The following GPAM variants were observed in gnomAD, a reference collection of about 807,000 sequenced individuals.
The protein encoded by GPAM is glycerol-3-phosphate acyltransferase, mitochondrial.
Under a neutral mutation model 105.0 loss-of-function variants are expected in GPAM, and 56 were observed. The observed-to-expected ratio is 0.53, with a 90% CI of 0.43 to 0.67. The LOEUF is 0.67. Among genes scored for constraint, GPAM ranks in the 30% least tolerant of loss-of-function variants. GPAM has a pLI of 0.00. For missense variants in GPAM, 855 were observed against 989.8 expected (o/e 0.86, Z 1.83); for synonymous variants, 368 against 354.4 (o/e 1.04, Z -0.43).
rs555268982 is a variant in GPAM, at chr10:112,151,243, C to G, written c.*2307G>C. 1.0e-6 allele frequency: 1 copy of G among 985,584 alleles called. No homozygotes were observed. Among genetic ancestry groups the G allele is most frequent in the South Asian group, 4.7e-5 (1 of 21,284 alleles). The allele number at this position is 985,584 out of a possible 1,614,324, so 61.1% of individuals were successfully genotyped here. On this transcript the variant is annotated 3_prime_UTR_variant, in exon 22 of 22. Coordinates refer to ENST00000348367, the MANE Select transcript of GPAM (RefSeq NM_001244949.2). The stretch of plus-strand genomic sequence containing the variant: ...TAGTTTGTTTAACCTTATGTGGAAG[C>G]CATCACTGTTGGAAAACAATGAGAA...
chr10:112,176,066 A>G (rs1222092220), intron 5 of GPAM, among the ~76,000 whole-genome samples: 1 of 152,240 alleles, frequency 6.6e-6, no homozygotes, highest in African/African-American at 2.4e-5. Flanking sequence ...TATTCTGATA[A>G]ACCATACAGC....
At chr10:112,223,832 A>G in the GPAM span, among the ~76,000 whole-genome samples, 11 of 152,320 alleles carry the variant, frequency 7.2e-5, no homozygotes, top group East Asian at 2.1e-3. Context: ...TTCTATTCAA[A>G]TAAAAACTTG....
intron 1 of GPAM, among the ~76,000 whole-genome samples, chr10:112,190,432 G>A (rs2133281484): frequency 6.6e-6 from 1 of 151,238 alleles, no homozygotes; most frequent in Admixed American, 6.6e-5. Flanking sequence ...TTGAACCCAG[G>A]AGCCAGAGAG....
At chr10:112,178,966 G>C (rs147594717) in intron 4 of GPAM, among the ~76,000 whole-genome samples, 58 of 152,276 alleles carry the variant, frequency 3.8e-4, no homozygotes, top group African/African-American at 1.3e-3. Flanking sequence ...TGAAAAGATA[G>C]TCTATAGCTT....
chr10:112,203,621 T>C (rs1207458023), intron 1 of GPAM, among the ~76,000 whole-genome samples: 1 of 152,244 alleles, frequency 6.6e-6, no homozygotes, highest in Non-Finnish European at 1.5e-5. Context: ...TTCATTAGTG[T>C]TTAGAGTTAC....
chr10:112,218,180 G>A (rs1847989509), upstream of GPAM, among the ~76,000 whole-genome samples: 1 of 152,230 alleles, frequency 6.6e-6, no homozygotes, highest in Non-Finnish European at 1.5e-5. Context: ...CAGCTGCCTG[G>A]CTTGTTCAAG....
Position 112,160,620 on chromosome 10 carries a change from G to A in GPAM, c.1743C>T (p.Ile581=). ...CTGACATACCTATGATGGCCTCCAT[G>A]ATAAAGACATGAAGTACCCCATTGC... The part of the protein sequence containing the change: ...FYSNGVLHVF[I]MEAIIACSLY... The change falls in exon 16 of 22, where the codon ATC becomes ATT. Residue 581 remains isoleucine, a synonymous_variant. Coordinates refer to ENST00000348367, the MANE Select transcript of GPAM (RefSeq NM_001244949.2). 6.2e-7 allele frequency: 1 copy of A among 1,613,046 alleles called. No individual in the cohort carries two copies. The highest frequency in any genetic ancestry group is 8.5e-7 in the Non-Finnish European group (1 of 1,179,032).
At chr10:112,181,885 T>A in intron 2 of GPAM, 72 bp from the exon 3 acceptor site, 1 of 731,106 alleles carries the variant, frequency 1.4e-6, no homozygotes, top group Admixed American at 1.9e-5. Context: ...AAATTCTGAT[T>A]TCTACATTAC....
At chr10:112,170,662 T>G (rs200842358) in intron 9 of GPAM, among the ~76,000 whole-genome samples, 2 of 119,560 alleles carry the variant, frequency 1.7e-5, no homozygotes, top group South Asian at 3.2e-4. Context: ...CCCGGTTCCT[T>G]GTTCCTGGAG....
intron 1 of GPAM, among the ~76,000 whole-genome samples, chr10:112,215,015 A>G (rs1304354233): frequency 6.6e-6 from 1 of 152,172 alleles, no homozygotes; most frequent in Middle Eastern, 3.2e-3. Context: ...ACAGAATTCC[A>G]TGATTCTGAG....
At chr10:112,159,094 T>G (rs1201490982) in intron 17 of GPAM, among the ~76,000 whole-genome samples, 4 of 152,200 alleles carry the variant, frequency 2.6e-5, no homozygotes, top group Admixed American at 6.5e-5. Flanking sequence ...ATCTACTACT[T>G]AATACATATG....
chr10:112,160,543 G>A (rs1847103367), intron 16 of GPAM, 61 bp downstream of exon 16: 1 of 1,465,320 alleles, frequency 6.8e-7, no homozygotes, highest in African/African-American at 1.4e-5. Context: ...ATACCACTAT[G>A]TGTTTTAGGC....
intron 17 of GPAM, among the ~76,000 whole-genome samples, chr10:112,159,134 G>A (rs900216929): frequency 2.0e-5 from 3 of 151,366 alleles, no homozygotes; most frequent in Admixed American, 2.0e-4. Flanking sequence ...AAGTGTTTGG[G>A]TATATAATAT....
chr10:112,218,156 G>T (rs141763614), upstream of GPAM, among the ~76,000 whole-genome samples: 3 of 152,318 alleles, frequency 2.0e-5, no homozygotes, highest in East Asian at 5.8e-4. Context: ...AGCCTACTGA[G>T]GGCAGTGCCT....
At chr10:112,201,909 T>C (rs1037065424) in intron 1 of GPAM, among the ~76,000 whole-genome samples, 7 of 152,232 alleles carry the variant, frequency 4.6e-5, no homozygotes, top group Non-Finnish European at 7.3e-5. Context: ...CTACCATTTA[T>C]TGAGCATTTA....
intron 1 of GPAM, among the ~76,000 whole-genome samples, chr10:112,212,231 T>G (rs1278093728): frequency 6.6e-6 from 1 of 152,106 alleles, no homozygotes; most frequent in Non-Finnish European, 1.5e-5. Flanking sequence ...GACAGGAATA[T>G]TATTAGGTTG....
At position 112,150,210 on chromosome 10, in the gene GPAM, G is replaced by C. The variant is rs994372630; in HGVS notation, c.*3340C>G. The C allele has an allele frequency of 2.0e-6, 2 of 984,670 alleles. No individual in the cohort carries two copies. The highest frequency in any genetic ancestry group is 1.7e-5 in the African/African-American group (1 of 57,230). The allele number at this position is 984,670 out of a possible 1,614,324, so 61.0% of individuals were successfully genotyped here. On this transcript the variant is annotated 3_prime_UTR_variant, in exon 22 of 22. Transcript: ENST00000348367. ...TTAAAAAACAGGTTTACAGCCCATA[G>C]TAAGTCTTAGAAACCTCAACGATAG...
intron 20 of GPAM, chr10:112,155,373 C>A: frequency 5.6e-6 from 1 of 177,784 alleles, no homozygotes; most frequent in Non-Finnish European, 1.2e-5. Context: ...TAGGTATAAT[C>A]CCTTGGAAAC....
chr10:112,217,855 C>A (rs985621891), upstream of GPAM, among the ~76,000 whole-genome samples: 1 of 152,202 alleles, frequency 6.6e-6, no homozygotes, highest in African/African-American at 2.4e-5. Context: ...TCTTCACACA[C>A]AAAACAGGTC....
Sources: gnomAD v4.1 joint callset for allele counts (sites outside exome capture counted in the v4.1 genomes callset) on GRCh38, gnomAD v4.1.1 for gene constraint, MANE v1.5 for transcripts, NCBI Gene and HGNC (gene_info 2026-07-23, HGNC 2026-07-21) for gene names.